Variants in MICAL3 observed in about 807,000 individuals in gnomAD.
MICAL3 encodes the protein [F-actin]-monooxygenase MICAL3.
A neutral mutation model predicts 207.4 loss-of-function variants in MICAL3; 62 were observed. That is an observed-to-expected ratio of 0.30 (90% CI 0.24 to 0.37). The LOEUF is 0.37. Among genes scored for constraint, MICAL3 ranks in the 10% least tolerant of loss-of-function variants. The pLI is 1.00. For missense variants in MICAL3, 2,368 were observed against 2,635.6 expected (o/e 0.90, Z 2.22); for synonymous variants, 1,077 against 1,069.3 (o/e 1.01, Z -0.14).
At chr22:17,799,883 T>C (rs1783884765) in intron 29 of MICAL3, among the ~76,000 whole-genome samples, 2 of 149,640 alleles carry the variant, frequency 1.3e-5, no homozygotes, top group African/African-American at 5.1e-5. Context: ...AACAAATGCA[T>C]GTAAGAATTA....
At chr22:17,836,268 C>A (rs1923353695) in intron 20 of MICAL3, among the ~76,000 whole-genome samples, 1 of 152,338 alleles carries the variant, frequency 6.6e-6, no homozygotes, top group South Asian at 2.1e-4. Context: ...CGGAGGGCAG[C>A]CCTGACCGCG....
At chr22:17,946,554 C>T (rs760229200) in intron 1 of MICAL3, among the ~76,000 whole-genome samples, 4 of 152,154 alleles carry the variant, frequency 2.6e-5, no homozygotes, top group Non-Finnish European at 4.4e-5. Flanking sequence ...TCAGCACATG[C>T]GACACTGAGT....
chr22:17,984,053 A>C (rs1053027315), intron 1 of MICAL3, among the ~76,000 whole-genome samples: 2 of 152,178 alleles, frequency 1.3e-5, no homozygotes, highest in African/African-American at 4.8e-5. Context: ...TACCAAAATA[A>C]AGCTATCCCC....
intron 1 of MICAL3, among the ~76,000 whole-genome samples, chr22:17,930,216 C>T (rs1488889400): frequency 1.3e-5 from 2 of 152,302 alleles, no homozygotes; most frequent in Non-Finnish European, 1.5e-5. Flanking sequence ...GCGTGGTGAA[C>T]TCGTACAACC....
chr22:17,952,125 C>T (rs970499344), intron 1 of MICAL3, among the ~76,000 whole-genome samples: 7 of 152,224 alleles, frequency 4.6e-5, no homozygotes, highest in African/African-American at 7.2e-5. Flanking sequence ...TGGCTCCATG[C>T]TTACTGGACC....
chr22:17,891,089 T>A (rs1487644319), intron 12 of MICAL3, among the ~76,000 whole-genome samples: 1 of 152,202 alleles, frequency 6.6e-6, no homozygotes, highest in Non-Finnish European at 1.5e-5. Flanking sequence ...TCTAGCCAGG[T>A]TTCCCTTGTG....
intron 1 of MICAL3, among the ~76,000 whole-genome samples, chr22:17,946,666 G>A (rs893449738): frequency 3.3e-5 from 5 of 152,140 alleles, no homozygotes; most frequent in Admixed American, 6.5e-5. Context: ...AGGTGATTGG[G>A]GAAAGTTCCT....
chr22:17,879,199 A>G (rs1200152831), intron 16 of MICAL3: 2 of 618,680 alleles, frequency 3.2e-6, no homozygotes, highest in African/African-American at 3.7e-5. Context: ...AGCAAAAAGA[A>G]TTCTGGCTCT....
intron 2 of MICAL3, among the ~76,000 whole-genome samples, chr22:17,905,549 T>G (rs5747400): frequency 0.32 from 49,107 of 152,106 alleles, 8,286 homozygotes; most frequent in African/African-American, 0.42. Flanking sequence ...CTCATGAAAG[T>G]CATGCCTTTA....
At chr22:17,981,912 T>C (rs1935924772) in intron 1 of MICAL3, among the ~76,000 whole-genome samples, 2 of 151,970 alleles carry the variant, frequency 1.3e-5, no homozygotes, top group Non-Finnish European at 2.9e-5. Context: ...AGACCAGCCT[T>C]GGTAACATAG....
chr22:17,827,820 G>A, intron 21 of MICAL3, 39 bp from the exon 22 acceptor site: 2 of 1,519,172 alleles, frequency 1.3e-6, no homozygotes, highest in African/African-American at 1.4e-5. Flanking sequence ...AATGAGGTGG[G>A]GAAGGAGGGG....
At position 17,900,446 on chromosome 22, in the gene MICAL3, C is replaced by A. The variant is rs115461048; in HGVS notation, c.847+396G>T. On this transcript the variant is annotated intron_variant, in intron 6 of 31. Transcript: ENST00000441493. The surrounding 1 kb of genome is among the most constrained non-coding windows in gnomAD (Gnocchi z 4.0). ...CGAAACTCCGTCTCTACAAGTAATA[C>A]GAAAAATTAGCCAGGCATGGTGGAG... Among the ~76,000 whole-genome samples the A allele has an allele frequency of 1.3e-5, 2 of 152,118 alleles. No homozygotes were observed. The highest frequency in any genetic ancestry group is 4.2e-4 in the South Asian group (2 of 4,814).
chr22:17,896,664 C>T, intron 8 of MICAL3, 60 bp downstream of exon 8: 1 of 1,555,268 alleles, frequency 6.4e-7, no homozygotes, highest in Non-Finnish European at 8.8e-7. Flanking sequence ...CCAGGATGCC[C>T]AGATTCACTC....
At chr22:17,955,340 G>T (rs1934561358) in intron 1 of MICAL3, among the ~76,000 whole-genome samples, 1 of 152,228 alleles carries the variant, frequency 6.6e-6, no homozygotes, top group South Asian at 2.1e-4. Flanking sequence ...CACAACAGGT[G>T]TGTGTCTGCC....
intron 1 of MICAL3, among the ~76,000 whole-genome samples, chr22:17,934,707 C>A (rs1296472981): frequency 6.6e-6 from 1 of 152,126 alleles, no homozygotes; most frequent in African/African-American, 2.4e-5. Context: ...ATTTAGAAAA[C>A]CCCACTGTTT....
intron 19 of MICAL3, among the ~76,000 whole-genome samples, chr22:17,859,122 C>T (rs1210364466): frequency 6.6e-6 from 1 of 152,086 alleles, no homozygotes; most frequent in Non-Finnish European, 1.5e-5. Context: ...TCAGAACCAT[C>T]GAGGCTCTGA....
chr22:17,969,044 CT>C (rs939496245), intron 1 of MICAL3, among the ~76,000 whole-genome samples: 31 of 150,128 alleles, frequency 2.1e-4, no homozygotes, highest in African/African-American at 4.2e-4. Context: ...CTCCAGAAGA[CT>C]TTTTTTTTTC....
intron 1 of MICAL3, among the ~76,000 whole-genome samples, chr22:17,959,001 G>C (rs8143037): frequency 0.64 from 92,953 of 144,638 alleles, 31,096 homozygotes; most frequent in African/African-American, 0.83. Flanking sequence ...CCACTGCGCC[G>C]GGCCTGGGGT....
chr22:17,853,536 T>C (rs767725458), intron 19 of MICAL3, among the ~76,000 whole-genome samples: 1 of 152,258 alleles, frequency 6.6e-6, no homozygotes, highest in Non-Finnish European at 1.5e-5. Flanking sequence ...GATATTCTTG[T>C]AATGCTTTTA....
Sources: gnomAD v4.1 joint callset for allele counts (sites outside exome capture counted in the v4.1 genomes callset) on GRCh38, gnomAD v4.1.1 for gene constraint, Gnocchi (gnomAD v3.1) non-coding constraint, MANE v1.5 for transcripts, NCBI Gene and HGNC (gene_info 2026-07-23, HGNC 2026-07-21) for gene names.